Variants in IGF1R observed in about 807,000 individuals in gnomAD.
The protein encoded by IGF1R is insulin like growth factor 1 receptor, also known as insulin-like growth factor 1 receptor.
IGF1R carries 44 observed loss-of-function variants against 144.6 expected under a neutral mutation model. The observed-to-expected ratio is 0.30, with a 90% CI of 0.24 to 0.39. The LOEUF (loss-of-function observed/expected upper bound fraction) is 0.39. Ranked by LOEUF, IGF1R falls within the 10% of genes least tolerant of loss-of-function variation. IGF1R has a pLI of 1.00. For synonymous variants in IGF1R, 795 were observed against 722.8 expected (o/e 1.10, Z -1.60); for missense variants, 1,355 against 1,833.7 (o/e 0.74, Z 4.77).
At chr15:98,722,863 G>A (rs1228714753) in intron 2 of IGF1R, among the ~76,000 whole-genome samples, 2 of 152,168 alleles carry the variant, frequency 1.3e-5, no homozygotes, top group Admixed American at 1.3e-4. Context: ...GCCTGTGTGG[G>A]CAGGAGGATT....
intron 1 of IGF1R, among the ~76,000 whole-genome samples, chr15:98,673,460 A>G (rs1347091576): frequency 6.6e-6 from 1 of 152,160 alleles, no homozygotes; most frequent in Non-Finnish European, 1.5e-5. Context: ...CTCTCTCAAT[A>G]ATAGAAGTGG....
In IGF1R at chr15:98,913,298, C is replaced by T. The variant is rs771948087; in HGVS notation, c.1828+16C>T. Reference sequence around the variant, plus strand: ...AATGCTTCAGGTATCCATGCCTAGACAAGCCCCCAGCATCCACACTTCTTC... The same window carrying T: ...AATGCTTCAGGTATCCATGCCTAGATAAGCCCCCAGCATCCACACTTCTTC... On this transcript the variant is annotated intron_variant, in intron 8 of 20. Coordinates refer to ENST00000650285, the MANE Select transcript of IGF1R (RefSeq NM_000875.5). 4.4e-6 allele frequency: 7 copies of T among 1,593,970 alleles called. No homozygotes were observed. Among genetic ancestry groups the T allele is most frequent in the Middle Eastern group, 1.7e-4 (1 of 5,836 alleles).
At position 98,963,415 on chromosome 15, in the gene IGF1R, G is replaced by A; in HGVS notation, c.*5973G>A. On this transcript the variant is annotated 3_prime_UTR_variant, in exon 21 of 21. Coordinates refer to ENST00000650285, the MANE Select transcript of IGF1R (RefSeq NM_000875.5). ...TGGTCTTCCAGAACCCTCTGGTTGG[G>A]AAGGGGATCATTTTTTACTGGTCAT... 4.3e-6 allele frequency: 1 copy of A among 233,292 alleles called. No homozygotes were observed. The highest frequency in any genetic ancestry group is 6.0e-5 in the East Asian group (1 of 16,594). 14.5% of individuals were successfully genotyped at this position (233,292 alleles called of 1,614,324 possible).
chr15:98,834,191 T>C (rs188816438), intron 2 of IGF1R, among the ~76,000 whole-genome samples: 1 of 152,368 alleles, frequency 6.6e-6, no homozygotes, highest in African/African-American at 2.4e-5. Flanking sequence ...GTACCTTTTT[T>C]GGGAAAGAGT....
intron 1 of IGF1R, among the ~76,000 whole-genome samples, chr15:98,659,366 G>T (rs745587063): frequency 2.2e-4 from 33 of 151,922 alleles, no homozygotes; most frequent in Non-Finnish European, 4.3e-4. Context: ...GAGGTGTCCA[G>T]TGTGCACTTT....
At chr15:98,781,082 G>A (rs1049522874) in intron 2 of IGF1R, among the ~76,000 whole-genome samples, 3 of 152,156 alleles carry the variant, frequency 2.0e-5, no homozygotes, top group African/African-American at 7.2e-5. Flanking sequence ...CATTTGTGCC[G>A]CTGTACTCCA....
At chr15:98,809,522 G>A (rs549650438) in intron 2 of IGF1R, among the ~76,000 whole-genome samples, 2 of 152,308 alleles carry the variant, frequency 1.3e-5, no homozygotes, top group South Asian at 2.1e-4. Flanking sequence ...GTGAACCACC[G>A]CAGTGAACTG....
chr15:98,679,329 A>C (rs534897150), intron 1 of IGF1R, among the ~76,000 whole-genome samples: 229 of 152,282 alleles, frequency 1.5e-3, no homozygotes, highest in African/African-American at 5.2e-3. Flanking sequence ...GTTTTCTCAG[A>C]TGTTTTAGTT....
rs750285215 is a variant in IGF1R at position 98,908,910 on chromosome 15, G to A, written c.1462+11G>A. On this transcript the variant is annotated intron_variant, in intron 6 of 20. Transcript: ENST00000650285. ...GGGAGAGAGCCTCCTGTGAGTGACA[G>A]CATCCAAAACACCGTGGGCCCAACC... 2 of 1,610,384 alleles carry A rather than the reference G, an allele frequency of 1.2e-6. No individual in the cohort carries two copies. Among genetic ancestry groups the A allele is most frequent in the East Asian group, 2.2e-5 (1 of 44,856 alleles).
intron 20 of IGF1R, among the ~76,000 whole-genome samples, chr15:98,951,511 G>C (rs2016772960): frequency 6.6e-6 from 1 of 152,358 alleles, no homozygotes; most frequent in Non-Finnish European, 1.5e-5. Context: ...CAGTAAACAT[G>C]TATTATCTCT....
At chr15:98,890,302 C>G (rs1302270370) in intron 2 of IGF1R, 4 of 152,214 alleles carry the variant, frequency 2.6e-5, no homozygotes, top group Non-Finnish European at 4.4e-5. Flanking sequence ...AAAGACCTTG[C>G]TGATCTAGCA....
At chr15:98,708,147 T>TC in intron 2 of IGF1R, 40 bp downstream of exon 2, 1 of 1,539,274 alleles carries the variant, frequency 6.5e-7, no homozygotes, top group South Asian at 1.1e-5. Context: ...TCTGCCTCTC[T>TC]CTCTCCTCTC....
At chr15:98,740,908 A>G (rs959017134) in intron 2 of IGF1R, among the ~76,000 whole-genome samples, 2 of 152,242 alleles carry the variant, frequency 1.3e-5, no homozygotes, top group Non-Finnish European at 1.5e-5. Context: ...TTAATTTTCT[A>G]GGGAAACTCC....
At chr15:98,877,920 A>G (rs1029448014) in intron 2 of IGF1R, among the ~76,000 whole-genome samples, 1 of 152,198 alleles carries the variant, frequency 6.6e-6, no homozygotes, top group Admixed American at 6.5e-5. Flanking sequence ...CGTTTAAGTT[A>G]TGTTGACATA....
intron 6 of IGF1R, among the ~76,000 whole-genome samples, chr15:98,910,802 C>G (rs2715416): frequency 0.5 from 76,110 of 152,086 alleles, 22,857 homozygotes; most frequent in Non-Finnish European, 0.68. Context: ...AGTTTGATAC[C>G]AAGTTTAGAC....
chr15:98,679,819 G>C (rs1273810285), intron 1 of IGF1R, among the ~76,000 whole-genome samples: 2 of 152,178 alleles, frequency 1.3e-5, no homozygotes, highest in African/African-American at 4.8e-5. Context: ...CTGGGTTACT[G>C]CCCCTGTAGA....
At chr15:98,790,615 C>T (rs954663100) in intron 2 of IGF1R, among the ~76,000 whole-genome samples, 5 of 152,166 alleles carry the variant, frequency 3.3e-5, no homozygotes, top group African/African-American at 1.2e-4. Context: ...TCTCTTCCCA[C>T]AGCAGACCCT....
chr15:98,868,442 G>C (rs772341858), intron 2 of IGF1R, among the ~76,000 whole-genome samples: 1 of 150,676 alleles, frequency 6.6e-6, no homozygotes, highest in Admixed American at 6.6e-5. Context: ...CAAGCTCCTG[G>C]CAATCAGTAT....
intron 2 of IGF1R, among the ~76,000 whole-genome samples, chr15:98,751,006 A>G (rs1260258781): frequency 6.6e-6 from 1 of 151,700 alleles, no homozygotes. Context: ...GCCCAGGCTC[A>G]TCTCAAACTC....
Sources: allele counts gnomAD v4.1 joint callset (sites outside exome capture counted in the v4.1 genomes callset), GRCh38; gene constraint gnomAD v4.1.1; transcripts MANE v1.5; gene names NCBI Gene and HGNC (gene_info 2026-07-23, HGNC 2026-07-21).